The following SLCO2B1 variants were observed in gnomAD, a reference collection of about 807,000 sequenced individuals.
SLCO2B1 encodes the protein OATP-RP2.
SLCO2B1 carries 41 observed loss-of-function variants against 67.3 expected under a neutral mutation model. That is an observed-to-expected ratio of 0.61 (90% CI 0.47 to 0.79). The LOEUF (loss-of-function observed/expected upper bound fraction) is 0.79, where lower values mean the gene tolerates loss of function less well. Among genes scored for constraint, SLCO2B1 ranks in the 30% least tolerant of loss-of-function variants. SLCO2B1 has a pLI of 0.00. For synonymous variants in SLCO2B1, 379 were observed against 381.4 expected (o/e 0.99, Z 0.07); for missense variants, 837 against 920.1 (o/e 0.91, Z 1.17).
At chr11:75,151,806 A>G in intron 1 of SLCO2B1, 1 of 211,230 alleles carries the variant, frequency 4.7e-6, no homozygotes, top group South Asian at 1.1e-4. Context: ...GGCACACAGG[A>G]GGTCGGAGAA....
intron 13 of SLCO2B1, 34 bp downstream of exon 13, chr11:75,203,461 G>A: frequency 1.9e-6 from 3 of 1,612,608 alleles, no homozygotes; most frequent in Non-Finnish European, 2.5e-6. Flanking sequence ...TGGGAAGGGT[G>A]CTGGAAATAC....
intron 4 of SLCO2B1, among the ~76,000 whole-genome samples, chr11:75,168,082 G>A (rs892129845): frequency 6.6e-6 from 1 of 151,894 alleles, no homozygotes; most frequent in Admixed American, 6.6e-5. Flanking sequence ...TAGTAGCGAT[G>A]GGATTTCTCC....
intron 2 of SLCO2B1, among the ~76,000 whole-genome samples, chr11:75,163,104 T>G (rs11236362): frequency 0.042 from 6,397 of 152,200 alleles, 446 homozygotes; most frequent in African/African-American, 0.14. Context: ...ATGTGGATAC[T>G]GGGAGTCCTA....
At chr11:75,154,465 A>T (rs918821278) in intron 1 of SLCO2B1, among the ~76,000 whole-genome samples, 1 of 152,068 alleles carries the variant, frequency 6.6e-6, no homozygotes, top group Admixed American at 6.5e-5. Context: ...GCACCATTGC[A>T]CTCCAGCCTG....
At chr11:75,169,795 C>G in intron 6 of SLCO2B1, 31 bp downstream of exon 6, 1 of 1,551,748 alleles carries the variant, frequency 6.4e-7, no homozygotes, top group Non-Finnish European at 8.9e-7. Flanking sequence ...TTTGCTAGAC[C>G]CTAGCTAACT....
intron 7 of SLCO2B1, among the ~76,000 whole-genome samples, chr11:75,176,881 C>T (rs2712813): frequency 4.3e-4 from 66 of 152,268 alleles, no homozygotes; most frequent in Middle Eastern, 3.4e-3. Flanking sequence ...ATCTCACTGA[C>T]GGAGGGATTG....
intron 2 of SLCO2B1, among the ~76,000 whole-genome samples, chr11:75,163,223 C>A (rs1949844971): frequency 2.6e-5 from 4 of 152,178 alleles, no homozygotes; most frequent in African/African-American, 9.7e-5. Context: ...CTCACAATAT[C>A]CCTGGGAACT....
chr11:75,176,214 G>A (rs1264261100), intron 7 of SLCO2B1, among the ~76,000 whole-genome samples: 1 of 152,166 alleles, frequency 6.6e-6, no homozygotes, highest in Non-Finnish European at 1.5e-5. Flanking sequence ...TGTCCCTGTG[G>A]TAGTGGTGCT....
At chr11:75,175,036 A>C (rs1041652438) in intron 7 of SLCO2B1, among the ~76,000 whole-genome samples, 4 of 152,202 alleles carry the variant, frequency 2.6e-5, no homozygotes, top group African/African-American at 9.7e-5. Context: ...TCAGATTTTA[A>C]GAGCTGTGTC....
Position 75,169,316 on chromosome 11 carries a change from C to T in SLCO2B1, c.592C>T (p.Leu198=). 6.2e-7 allele frequency: 1 copy of T among 1,614,202 alleles called. No individual in the cohort carries two copies. The highest frequency in any genetic ancestry group is 8.5e-7 in the Non-Finnish European group (1 of 1,180,026). ...GGGGATCATGTTCGTGGCACAGACC[C>T]TGCTGGGCGTGGGCGGGGTGCCCAT... ...VVGIMFVAQT[L]LGVGGVPIQP... The change falls in exon 5 of 14, where the codon CTG becomes TTG. Residue 198 remains leucine (L), a synonymous_variant. Transcript: ENST00000289575.
intron 3 of SLCO2B1, among the ~76,000 whole-genome samples, chr11:75,165,276 G>A (rs1314896947): frequency 1.3e-5 from 2 of 152,162 alleles, no homozygotes; most frequent in East Asian, 3.9e-4. Flanking sequence ...TACTAAAAAT[G>A]CAAAAATTAG....
At chr11:75,186,050 G>A (rs1944924717) in intron 7 of SLCO2B1, among the ~76,000 whole-genome samples, 1 of 152,058 alleles carries the variant, frequency 6.6e-6, no homozygotes, top group African/African-American at 2.4e-5. Flanking sequence ...TGGGAATGCA[G>A]CCCAGCAAGT....
intron 7 of SLCO2B1, among the ~76,000 whole-genome samples, chr11:75,184,874 A>T (rs1240311094): frequency 6.6e-6 from 1 of 151,992 alleles, no homozygotes; most frequent in Admixed American, 6.6e-5. Context: ...ACCCACCACA[A>T]CACCCAGCAG....
At chr11:75,179,086 A>C (rs1028549921) in intron 7 of SLCO2B1, among the ~76,000 whole-genome samples, 1 of 151,820 alleles carries the variant, frequency 6.6e-6, no homozygotes, top group African/African-American at 2.4e-5. Context: ...GAGAGTGCAG[A>C]TCTCTCTCCT....
chr11:75,152,696 C>T (rs1391461869), intron 1 of SLCO2B1, among the ~76,000 whole-genome samples: 1 of 152,142 alleles, frequency 6.6e-6, no homozygotes, highest in Non-Finnish European at 1.5e-5. Context: ...ATTTTTCTGA[C>T]CCCTGCAGGG....
chr11:75,201,594 C>T (rs912772196), intron 11 of SLCO2B1: 2 of 152,222 alleles, frequency 1.3e-5, no homozygotes, highest in African/African-American at 2.4e-5. Context: ...ACTGACCAGC[C>T]GTATGCTGGG....
chr11:75,161,337 A>G (rs774897029), intron 1 of SLCO2B1, among the ~76,000 whole-genome samples: 1 of 152,232 alleles, frequency 6.6e-6, no homozygotes, highest in Admixed American at 6.5e-5. Flanking sequence ...TTATGAGTGA[A>G]TGAAAATATT....
chr11:75,169,814 C>A, intron 6 of SLCO2B1, 50 bp downstream of exon 6: 6 of 1,470,952 alleles, frequency 4.1e-6, no homozygotes, highest in Non-Finnish European at 3.8e-6. Context: ...CTGACTGCCA[C>A]TCTCATAGGA....
intron 11 of SLCO2B1, chr11:75,200,649 G>A (rs542649190): frequency 5.5e-6 from 2 of 361,150 alleles, no homozygotes; most frequent in Non-Finnish European, 5.0e-6. Context: ...GAATAGTACT[G>A]GTTCCCTGGC....
Sources: allele counts gnomAD v4.1 joint callset (sites outside exome capture counted in the v4.1 genomes callset), GRCh38; gene constraint gnomAD v4.1.1; transcripts MANE v1.5; gene names NCBI Gene and HGNC (gene_info 2026-07-23, HGNC 2026-07-21).